DNAAF5: variants seen among roughly 807,000 people sequenced by gnomAD.
DNAAF5 encodes the protein dynein axonemal assembly factor 5, also known as HEAT repeat containing 2.
A neutral mutation model predicts 75.8 loss-of-function variants in DNAAF5; 64 were observed. That is an observed-to-expected ratio of 0.84 (90% CI 0.69 to 1.04). The LOEUF is 1.04. DNAAF5 is among the 50% of genes least tolerant of loss of function. The probability of loss-of-function intolerance (pLI) is 0.00; values close to 1 mark genes in which losing one functional copy is unlikely to be tolerated. For synonymous variants in DNAAF5, 657 were observed against 557.2 expected (o/e 1.18, Z -2.52); for missense variants, 1,269 against 1,178.5 (o/e 1.08, Z -1.12).
chr7:762,042 C>A, intron 7 of DNAAF5, 146 bp downstream of exon 7: 1 of 397,928 alleles, frequency 2.5e-6, no homozygotes, highest in Non-Finnish European at 4.1e-6. Flanking sequence ...GGTGAGTCCC[C>A]GGGCAACGGC....
chr7:728,229 C>T (rs1423275212), intron 1 of DNAAF5, among the ~76,000 whole-genome samples: 2 of 152,154 alleles, frequency 1.3e-5, no homozygotes, highest in East Asian at 3.9e-4. Context: ...TAGCAGGCGC[C>T]TGCTTCCTGC....
chr7:774,487 C>T (rs1778690104), intron 10 of DNAAF5, among the ~76,000 whole-genome samples: 1 of 152,182 alleles, frequency 6.6e-6, no homozygotes, highest in South Asian at 2.1e-4. Context: ...TCTCGGTTTC[C>T]GGCCCAATGC....
At chr7:764,625 C>T (rs962515028) in intron 8 of DNAAF5, among the ~76,000 whole-genome samples, 1 of 152,222 alleles carries the variant, frequency 6.6e-6, no homozygotes, top group Non-Finnish European at 1.5e-5. Context: ...GATGTGTGCA[C>T]CAGGGTGGTC....
chr7:728,456 C>T (rs1285051542), intron 1 of DNAAF5, among the ~76,000 whole-genome samples: 3 of 152,126 alleles, frequency 2.0e-5, no homozygotes, highest in African/African-American at 7.2e-5. Context: ...AGAATAGATT[C>T]CAGAAGTAGA....
chr7:735,501 G>A (rs1293550592), intron 2 of DNAAF5, among the ~76,000 whole-genome samples: 6 of 151,526 alleles, frequency 4.0e-5, no homozygotes, highest in African/African-American at 1.5e-4. Context: ...TGCTCATATT[G>A]TAGTTGCTGA....
At chr7:778,677 C>G (rs1198542276) in intron 11 of DNAAF5, 1 of 152,356 alleles carries the variant, frequency 6.6e-6, no homozygotes, top group African/African-American at 2.4e-5. Flanking sequence ...GCTAGCGGGA[C>G]AAGCTTGGGT....
chr7:728,995 C>CTTTTTT (rs398003363), intron 1 of DNAAF5, among the ~76,000 whole-genome samples: 1 of 125,604 alleles, frequency 8.0e-6, no homozygotes, highest in African/African-American at 3.1e-5. Context: ...TTGGTTCTGA[C>CTTTTTT]TTTTTTTTTT....
intron 6 of DNAAF5, among the ~76,000 whole-genome samples, chr7:761,029 G>A (rs1782627016): frequency 6.6e-6 from 1 of 152,218 alleles, no homozygotes; most frequent in Non-Finnish European, 1.5e-5. Flanking sequence ...TGGAGGGCGG[G>A]GAGAACTTGG....
At chr7:760,970 C>T (rs1296084401) in intron 6 of DNAAF5, among the ~76,000 whole-genome samples, 1 of 152,228 alleles carries the variant, frequency 6.6e-6, no homozygotes, top group Middle Eastern at 3.2e-3. Flanking sequence ...GCTGACCAGC[C>T]CTTGGCATGC....
At chr7:777,851 G>A (rs553110789) in intron 11 of DNAAF5, among the ~76,000 whole-genome samples, 4 of 152,244 alleles carry the variant, frequency 2.6e-5, no homozygotes, top group South Asian at 2.1e-4. Context: ...TGGAGTGGGC[G>A]AAGGACACGG....
At chr7:742,907 T>C (rs913908221) in intron 4 of DNAAF5, among the ~76,000 whole-genome samples, 1 of 151,730 alleles carries the variant, frequency 6.6e-6, no homozygotes, top group African/African-American at 2.4e-5. Flanking sequence ...CCAGCTCAAA[T>C]CAATCATTCC....
intron 2 of DNAAF5, among the ~76,000 whole-genome samples, chr7:730,350 A>G (rs1356304758): frequency 6.6e-6 from 1 of 152,098 alleles, no homozygotes; most frequent in African/African-American, 2.4e-5. Flanking sequence ...CCTGGAGGGC[A>G]TGTCTTGGAT....
intron 9 of DNAAF5, chr7:771,660 C>T (rs938105669): frequency 1.3e-5 from 2 of 152,244 alleles, no homozygotes; most frequent in Admixed American, 1.3e-4. Context: ...AACCGAGAGC[C>T]GTGGCAGCTG....
intron 1 of DNAAF5, among the ~76,000 whole-genome samples, chr7:729,081 C>G (rs1276138833): frequency 6.6e-6 from 1 of 151,212 alleles, no homozygotes; most frequent in Non-Finnish European, 1.5e-5. Context: ...ACTGCAACCT[C>G]CGCCTCCTGA....
At chr7:758,364 T>C (rs1186831344) in intron 6 of DNAAF5, among the ~76,000 whole-genome samples, 1 of 152,216 alleles carries the variant, frequency 6.6e-6, no homozygotes, top group Non-Finnish European at 1.5e-5. Flanking sequence ...AATTGTGTCA[T>C]CCCACAGTTG....
At chr7:728,995 CTTT>C (rs398003363) in intron 1 of DNAAF5, among the ~76,000 whole-genome samples, 2 of 125,558 alleles carry the variant, frequency 1.6e-5, no homozygotes, top group Non-Finnish European at 1.6e-5. Context: ...TTGGTTCTGA[CTTT>C]TTTTTTTTTT....
In DNAAF5 at chr7:729,555, A is replaced by G. The variant is rs80112543; in HGVS notation, c.596-108A>G. The G allele has an allele frequency of 0.19, 192,262 of 1,012,266 alleles. 20,573 individuals are homozygous for G. The highest frequency in any genetic ancestry group is 0.25 in the Middle Eastern group (793 of 3,130). 62.7% of individuals were successfully genotyped at this position (1,012,266 alleles called of 1,614,324 possible). On this transcript the variant is annotated intron_variant, in intron 1 of 12. Transcript: ENST00000297440. ...CAGCAAGGACCTGGCGTAGGAGAGG[A>G]AGGGAGGTGAGGAACTCATAGGCAG... is the stretch of plus-strand genomic sequence containing the variant.
intron 11 of DNAAF5, among the ~76,000 whole-genome samples, chr7:775,613 T>C (rs928022583): frequency 3.3e-5 from 5 of 152,184 alleles, no homozygotes; most frequent in African/African-American, 1.2e-4. Context: ...CATATATAAA[T>C]ATGTATGTAT....
chr7:729,896 G>A lies in DNAAF5; in HGVS notation c.780+49G>A, dbSNP rs375922543. On this transcript the variant is annotated intron_variant, in intron 2 of 12. Transcript: ENST00000297440. The stretch of plus-strand genomic sequence containing the variant: ...GTCTGTTCCTCTCTCCAACACAGGC[G>A]GGCTGACGTGCTGTTTTTAACTAAC... 36 of 1,574,010 alleles carry A rather than the reference G, an allele frequency of 2.3e-5. No individual in the cohort carries two copies. The African/African-American group carries it at 4.0e-4, about 18-fold the overall frequency.
Sources: gnomAD v4.1 joint callset for allele counts (sites outside exome capture counted in the v4.1 genomes callset) on GRCh38, gnomAD v4.1.1 for gene constraint, MANE v1.5 for transcripts, NCBI Gene and HGNC (gene_info 2026-07-23, HGNC 2026-07-21) for gene names.